The following CCDC112 variants were observed in gnomAD, a reference collection of about 807,000 sequenced individuals.
CCDC112 encodes the protein coiled-coil domain containing 112, also known as coiled-coil domain-containing protein 112.
In CCDC112, 40 loss-of-function variants were observed where a neutral mutation model predicts 66.3. The observed-to-expected ratio is 0.60, with a 90% CI of 0.47 to 0.79. The LOEUF (loss-of-function observed/expected upper bound fraction) is 0.79, where lower values mean the gene tolerates loss of function less well. Among genes scored for constraint, CCDC112 ranks in the 30% least tolerant of loss-of-function variants. CCDC112 has a pLI of 0.00. For synonymous variants in CCDC112, 214 were observed against 197.2 expected (o/e 1.09, Z -0.71); for missense variants, 659 against 603.8 (o/e 1.09, Z -0.96).
chr5:115,296,139 A>C, intron 1 of CCDC112: 1 of 1,147,922 alleles, frequency 8.7e-7, no homozygotes, highest in Non-Finnish European at 1.1e-6. Context: ...CCCAATTTTT[A>C]GAGAAGAAAG....
rs758943583 is a variant in CCDC112 at position 115,268,969 on chromosome 5, C to T, written c.1460G>A (p.Arg487Lys). 6.2e-7 allele frequency: 1 copy of T among 1,600,316 alleles called. No individual in the cohort carries two copies. The highest frequency in any genetic ancestry group is 2.3e-5 in the East Asian group (1 of 43,330). Reference protein sequence around the residue: ...VENNVSRDPSRLYKPTKGWEE... With the variant: ...VENNVSRDPSKLYKPTKGWEE... ...CCAACCTTTGGTGGGTTTGTAAAGC[C>T]TAGAGGGATCTCTACTAACATTGTT... Residue 487 changes from arginine (R) to lysine (K), a missense_variant, in exon 9 of 10, where the codon AGG becomes AAG. Physicochemically the swap from Arg to Lys is conservative, Grantham distance 26. Coordinates refer to ENST00000379611, the MANE Select transcript of CCDC112 (RefSeq NM_001040440.3).
intron 2 of CCDC112, 66 bp from the exon 3 acceptor site, chr5:115,279,834 A>ATAATATTTTATATTT: frequency 5.8e-6 from 5 of 861,916 alleles, no homozygotes; most frequent in Non-Finnish European, 8.8e-6. Flanking sequence ...TAAAATATGA[A>ATAATATTTTATATTT]GACACTCAAT....
Position 115,271,200 on chromosome 5 carries a change from T to C in CCDC112, c.1332+13A>G, listed in dbSNP as rs374577773. 14 of 1,562,638 alleles carry C rather than the reference T, an allele frequency of 9.0e-6. 1 individual carries two copies. In the Middle Eastern group the frequency reaches 6.9e-4, roughly 77 times the overall value. On this transcript the variant is annotated intron_variant, in intron 7 of 9. Transcript: ENST00000379611. ...TAGCATTTAAAAATTATTTAGGAAA[T>C]AGATTTACTCACTCTTTCTTGAAAT...
chr5:115,294,137 C>T lies in CCDC112; in HGVS notation c.117+2290G>A, dbSNP rs186394622. Among the ~76,000 whole-genome samples, 43 of 152,236 alleles carry T rather than the reference C, an allele frequency of 2.8e-4. 1 individual carries two copies. The highest frequency in any genetic ancestry group is 6.2e-4 in the South Asian group (3 of 4,818). The stretch of plus-strand genomic sequence containing the variant: ...TGAGTGAGGAATTTATGAGATTCCA[C>T]GCCCTGAGGATATTGTAAAATAAAA... On this transcript the variant is annotated intron_variant, in intron 1 of 9. Coordinates refer to ENST00000379611, the MANE Select transcript of CCDC112 (RefSeq NM_001040440.3).
At chr5:115,282,457 C>T (rs954000643) in intron 2 of CCDC112, among the ~76,000 whole-genome samples, 1 of 152,084 alleles carries the variant, frequency 6.6e-6, no homozygotes, top group African/African-American at 2.4e-5. Context: ...TCACATTATG[C>T]AATTTCACCC....
At chr5:115,275,644 T>C (rs760994512) in intron 5 of CCDC112, 38 bp from the exon 6 acceptor site, 4 of 1,421,100 alleles carry the variant, frequency 2.8e-6, no homozygotes, top group South Asian at 1.3e-5. Flanking sequence ...AAGAAGACAA[T>C]CCATATTAAC....
intron 3 of CCDC112, 127 bp from the exon 4 acceptor site, chr5:115,277,181 T>C (rs1749243136): frequency 3.4e-6 from 2 of 581,494 alleles, no homozygotes; most frequent in Non-Finnish European, 6.1e-6. Flanking sequence ...ACAAAAGATA[T>C]TTATGTCAAA....
intron 2 of CCDC112, among the ~76,000 whole-genome samples, chr5:115,282,260 AG>A (rs1749488649): frequency 6.6e-6 from 1 of 152,334 alleles, no homozygotes; most frequent in African/African-American, 2.4e-5. Context: ...CATATTCAAA[AG>A]TACAGAATGG....
At chr5:115,296,093 C>T (rs983563382) in intron 1 of CCDC112, 4 of 1,043,918 alleles carry the variant, frequency 3.8e-6, no homozygotes, top group African/African-American at 1.7e-5. Context: ...CCAGACATAA[C>T]GTTAGTCCAA....
rs777715106 is a variant in CCDC112 at position 115,277,177 on chromosome 5, G to T, written c.362-123C>A. On this transcript the variant is annotated intron_variant, in intron 3 of 9. Transcript: ENST00000379611. ...AAGAGCAATTAAATAAAGAACAAAA[G>T]ATATTTATGTCAAAACATTAATACT... The T allele has an allele frequency of 8.0e-5, 47 of 585,262 alleles. No homozygotes were observed. In the East Asian group the frequency reaches 1.3e-3, roughly 17 times the overall value. The allele number at this position is 585,262 out of a possible 1,614,324, so 36.3% of individuals were successfully genotyped here. A position where few individuals can be genotyped will look rare whatever the true frequency, so the allele number is the denominator to read the frequency against.
intron 3 of CCDC112, among the ~76,000 whole-genome samples, chr5:115,278,325 A>G (rs1000619775): frequency 1.3e-5 from 2 of 152,134 alleles, no homozygotes; most frequent in African/African-American, 4.8e-5. Context: ...AAATTGAGGT[A>G]TGCTATTGGA....
intron 1 of CCDC112, among the ~76,000 whole-genome samples, chr5:115,293,862 A>G (rs1279650422): frequency 6.6e-6 from 1 of 152,224 alleles, no homozygotes; most frequent in Non-Finnish European, 1.5e-5. Flanking sequence ...GAAACAAAAC[A>G]GAAGACAGAG....
chr5:115,291,841 T>C (rs1454502603), intron 1 of CCDC112, among the ~76,000 whole-genome samples: 1 of 152,202 alleles, frequency 6.6e-6, no homozygotes, highest in East Asian at 1.9e-4. Flanking sequence ...TTGGTGTCCA[T>C]GGTTTCTGAT....
chr5:115,280,521 C>T (rs1749406185), intron 2 of CCDC112: 1 of 151,930 alleles, frequency 6.6e-6, no homozygotes, highest in South Asian at 2.1e-4. Context: ...TACTGAGAAA[C>T]TTTTTTGATT....
chr5:115,293,154 C>A (rs1345039611), intron 1 of CCDC112, among the ~76,000 whole-genome samples: 7 of 152,058 alleles, frequency 4.6e-5, no homozygotes, highest in Non-Finnish European at 8.8e-5. Flanking sequence ...CAGAGTAGAA[C>A]AATAGTTGCC....
intron 6 of CCDC112, 77 bp from the exon 7 acceptor site, chr5:115,271,703 T>A: frequency 1.1e-6 from 1 of 906,602 alleles, no homozygotes; most frequent in South Asian, 2.2e-5. Context: ...AATACATCAA[T>A]TCCATCTTTC....
rs374319734 is a variant in CCDC112 at position 115,277,057 on chromosome 5, A to G, written c.362-3T>C. On this transcript the variant is annotated splice_region_variant and splice_polypyrimidine_tract_variant and intron_variant, in intron 3 of 9. Coordinates refer to ENST00000379611, the MANE Select transcript of CCDC112 (RefSeq NM_001040440.3). ...CAATTGTTGCTGGATTTTTGCTCCT[A>G]TAAGAAAGAAGTATGCACTTTAAAA... 23 of 1,564,384 alleles carry G rather than the reference A, an allele frequency of 1.5e-5. No homozygotes were observed. The highest frequency in any genetic ancestry group is 1.4e-4 in the South Asian group (13 of 89,786).
intron 2 of CCDC112, among the ~76,000 whole-genome samples, chr5:115,282,396 C>A (rs1453783812): frequency 6.6e-6 from 1 of 152,128 alleles, no homozygotes; most frequent in Non-Finnish European, 1.5e-5. Context: ...AGATCCATTA[C>A]ATCTACCTTT....
intron 2 of CCDC112, among the ~76,000 whole-genome samples, chr5:115,283,612 A>G (rs1749548297): frequency 6.6e-6 from 1 of 152,154 alleles, no homozygotes. Context: ...TTTGTCAGTT[A>G]TACCTCAATA....
Sources: gnomAD v4.1 joint callset for allele counts (sites outside exome capture counted in the v4.1 genomes callset) on GRCh38, gnomAD v4.1.1 for gene constraint, MANE v1.5 for transcripts, NCBI Gene and HGNC (gene_info 2026-07-23, HGNC 2026-07-21) for gene names.